Variants in DCC observed in about 807,000 individuals in gnomAD.
DCC encodes the protein DCC netrin 1 receptor.
DCC carries 58 observed loss-of-function variants against 172.5 expected under a neutral mutation model. That is an observed-to-expected ratio of 0.34 (90% confidence interval 0.27 to 0.42). The LOEUF (loss-of-function observed/expected upper bound fraction) is 0.42. Ranked by LOEUF, DCC falls within the 10% of genes least tolerant of loss-of-function variation. DCC has a pLI of 1.00. For synonymous variants in DCC, 709 were observed against 644.5 expected, an observed-to-expected ratio of 1.10 and a Z score of -1.52; for missense variants, 1,740 against 1,791.0, an observed-to-expected ratio of 0.97 and a Z score of 0.51.
At chr18:53,510,642 T>A (rs186002747) in intron 27 of DCC, among the ~76,000 whole-genome samples, 2 of 152,334 alleles carry the variant, frequency 1.3e-5, no homozygotes, top group East Asian at 3.9e-4. Flanking sequence ...CCAAGTACTA[T>A]GTTTGTTTGT....
At chr18:53,386,978 GTT>G (rs1392304517) in intron 16 of DCC, among the ~76,000 whole-genome samples, 2 of 152,134 alleles carry the variant, frequency 1.3e-5, no homozygotes, top group Admixed American at 6.5e-5. Context: ...TAAAACCCAA[GTT>G]CCCTCTCTAA....
intron 7 of DCC, among the ~76,000 whole-genome samples, chr18:53,150,268 G>A (rs2043978578): frequency 6.6e-6 from 1 of 152,146 alleles, no homozygotes; most frequent in African/African-American, 2.4e-5. Flanking sequence ...TAACTAGTTG[G>A]CAGTAATGCT....
At chr18:53,094,502 G>T (rs907961041) in intron 7 of DCC, among the ~76,000 whole-genome samples, 13 of 152,262 alleles carry the variant, frequency 8.5e-5, no homozygotes, top group Non-Finnish European at 1.5e-4. Flanking sequence ...ACATCACGAG[G>T]TTGTCAAAAG....
rs757996065 is a variant in DCC, at chr18:53,079,846, C to A, written c.1261+13680C>A. Among the ~76,000 whole-genome samples, 32 of 152,028 alleles carry A rather than the reference C, an allele frequency of 2.1e-4. 1 individual carries two copies. Among genetic ancestry groups the A allele is most frequent in the Non-Finnish European group, 3.4e-4 (23 of 67,994 alleles). ...AACACATGGGAGCATAGAGCAGAAG[C>A]AAAAGTATGTATTCAGTGAATTATG... On this transcript the variant is annotated intron_variant, in intron 7 of 28. Coordinates refer to ENST00000442544, the MANE Select transcript of DCC (RefSeq NM_005215.4).
intron 14 of DCC, among the ~76,000 whole-genome samples, chr18:53,328,041 G>A (rs1979914): frequency 0.3 from 45,329 of 151,998 alleles, 8,637 homozygotes; most frequent in Non-Finnish European, 0.44. Flanking sequence ...AGCATAGCAG[G>A]CAAAGCAAAA....
At chr18:53,108,539 G>A (rs2043283188) in intron 7 of DCC, among the ~76,000 whole-genome samples, 1 of 151,652 alleles carries the variant, frequency 6.6e-6, no homozygotes, top group African/African-American at 2.4e-5. Context: ...TTTTGCGTAT[G>A]TACATAAAAA....
chr18:53,098,116 ATTG>A (rs1381441253), intron 7 of DCC, among the ~76,000 whole-genome samples: 1 of 152,220 alleles, frequency 6.6e-6, no homozygotes, highest in East Asian at 1.9e-4. Flanking sequence ...TGATTTTAGA[ATTG>A]TTATTTGAAT....
chr18:53,514,252 A>G (rs1342642485), intron 27 of DCC, among the ~76,000 whole-genome samples: 1 of 152,116 alleles, frequency 6.6e-6, no homozygotes, highest in Non-Finnish European at 1.5e-5. Context: ...TTTGAAACCA[A>G]CGAGAACAAA....
At chr18:52,385,305 T>TCCAGGA (rs1985750284) in intron 1 of DCC, among the ~76,000 whole-genome samples, 4 of 152,228 alleles carry the variant, frequency 2.6e-5, no homozygotes, top group African/African-American at 9.6e-5. Flanking sequence ...AGACAGAGTC[T>TCCAGGA]TGTTCTAGTA....
chr18:52,576,269 G>A (rs923608974), intron 1 of DCC, among the ~76,000 whole-genome samples: 1 of 152,216 alleles, frequency 6.6e-6, no homozygotes, highest in Non-Finnish European at 1.5e-5. Flanking sequence ...GTGAAACTGG[G>A]AATGGCTCTG....
At chr18:52,369,256 G>T (rs1397198316) in intron 1 of DCC, among the ~76,000 whole-genome samples, 2 of 148,080 alleles carry the variant, frequency 1.4e-5, no homozygotes, top group Non-Finnish European at 3.0e-5. Flanking sequence ...TTTCTTTGTG[G>T]GTTTTTTTTT....
rs868841536 is a variant in DCC at position 53,443,079 on chromosome 18, A to G, written c.3230-7421A>G. 2.0e-4 allele frequency among the ~76,000 whole-genome samples: 30 copies of G among 152,348 alleles called. 1 individual carries two copies. Among genetic ancestry groups the G allele is most frequent in the South Asian group, 8.3e-4 (4 of 4,834 alleles). ...AGGAAGTTATCCAGAAGATCTAGCT[A>G]AGATAATTGATGAAGGTGGCTGCAC... On this transcript the variant is annotated intron_variant, in intron 22 of 28. Transcript: ENST00000442544.
chr18:52,774,965 A>G (rs2037403705), intron 2 of DCC, among the ~76,000 whole-genome samples: 1 of 152,158 alleles, frequency 6.6e-6, no homozygotes, highest in Admixed American at 6.5e-5. Context: ...CATGTGAGAG[A>G]AAAGAGAGAA....
intron 2 of DCC, among the ~76,000 whole-genome samples, chr18:52,879,378 T>G (rs940361849): frequency 6.7e-6 from 1 of 148,320 alleles, no homozygotes; most frequent in Admixed American, 6.9e-5. Context: ...GTTAACCAAC[T>G]ATACATGAAA....
chr18:52,863,970 C>A (rs1425739093), intron 2 of DCC, among the ~76,000 whole-genome samples: 1 of 152,070 alleles, frequency 6.6e-6, no homozygotes, highest in African/African-American at 2.4e-5. Flanking sequence ...TAAAGTAATG[C>A]AAACTTAAAA....
chr18:52,610,094 G>A (rs758466481), intron 1 of DCC, among the ~76,000 whole-genome samples: 13 of 137,854 alleles, frequency 9.4e-5, no homozygotes, highest in East Asian at 2.1e-4. Context: ...CGGGTGGATC[G>A]CCTGAGATTA....
chr18:53,032,527 T>C (rs1004000957), intron 5 of DCC, among the ~76,000 whole-genome samples: 14 of 152,308 alleles, frequency 9.2e-5, no homozygotes, highest in Admixed American at 5.9e-4. Flanking sequence ...CATGTAAAAA[T>C]TCTTTTAGGA....
At chr18:53,295,152 A>C (rs1011148612) in intron 12 of DCC, among the ~76,000 whole-genome samples, 1 of 152,296 alleles carries the variant, frequency 6.6e-6, no homozygotes, top group Non-Finnish European at 1.5e-5. Flanking sequence ...CCCTCTGGAA[A>C]TGTATCATAC....
chr18:53,519,112 A>C (rs2046371267), intron 27 of DCC, among the ~76,000 whole-genome samples: 1 of 152,156 alleles, frequency 6.6e-6, no homozygotes, highest in Non-Finnish European at 1.5e-5. Flanking sequence ...ATCCAAATGT[A>C]AAGTTAAGTA....
Sources: gnomAD v4.1 joint callset for allele counts (sites outside exome capture counted in the v4.1 genomes callset) on GRCh38, gnomAD v4.1.1 for gene constraint, MANE v1.5 for transcripts, NCBI Gene and HGNC (gene_info 2026-07-23, HGNC 2026-07-21) for gene names.